The following CCDC171 variants were observed in gnomAD, a reference collection of about 807,000 sequenced individuals.
CCDC171 encodes coiled-coil domain-containing protein 171.
Under a neutral mutation model 168.2 loss-of-function variants are expected in CCDC171, and 177 were observed. The observed-to-expected ratio is 1.05, with a 90% CI of 0.93 to 1.19. The LOEUF (loss-of-function observed/expected upper bound fraction) is 1.19. Among genes scored for constraint, CCDC171 ranks in the 50% most tolerant of loss-of-function variants. CCDC171 has a pLI of 0.00. For synonymous variants in CCDC171, 687 were observed against 540.8 expected (o/e 1.27, Z -3.75); for missense variants, 1,991 against 1,539.0 (o/e 1.29, Z -4.91).
At chr9:15,881,074 C>G (rs561146021) in intron 24 of CCDC171, among the ~76,000 whole-genome samples, 1 of 152,104 alleles carries the variant, frequency 6.6e-6, no homozygotes, top group African/African-American at 2.4e-5. Flanking sequence ...GATATGGGGC[C>G]TAACTTGAAT....
intron 9 of CCDC171, among the ~76,000 whole-genome samples, chr9:15,667,684 G>A (rs553443268): frequency 2.0e-5 from 3 of 152,240 alleles, no homozygotes; most frequent in Admixed American, 6.6e-5. Context: ...TAAGAAGTGA[G>A]TTAACTTAAG....
intron 3 of CCDC171, among the ~76,000 whole-genome samples, chr9:15,997,925 A>G (rs1156470806): frequency 1.3e-5 from 2 of 152,156 alleles, no homozygotes; most frequent in African/African-American, 4.8e-5. Context: ...ATCAGCATCA[A>G]TTACCCCTGC....
intron 7 of CCDC171, among the ~76,000 whole-genome samples, chr9:15,638,938 A>G (rs2046395228): frequency 6.6e-6 from 1 of 152,090 alleles, no homozygotes; most frequent in South Asian, 2.1e-4. Flanking sequence ...AAGAGAAAAG[A>G]GAAGATGCAA....
At chr9:15,869,710 A>T (rs916820810) in intron 23 of CCDC171, among the ~76,000 whole-genome samples, 3 of 151,802 alleles carry the variant, frequency 2.0e-5, no homozygotes, top group African/African-American at 7.2e-5. Flanking sequence ...AGCCGTGGTC[A>T]GGAAAGTTAG....
chr9:15,606,097 A>G (rs886335123), intron 6 of CCDC171, among the ~76,000 whole-genome samples: 5 of 152,198 alleles, frequency 3.3e-5, no homozygotes, highest in Admixed American at 3.3e-4. Context: ...TCATAACAAG[A>G]TACTATAATA....
chr9:15,925,959 A>G (rs548035568), intron 25 of CCDC171, among the ~76,000 whole-genome samples: 3 of 151,772 alleles, frequency 2.0e-5, no homozygotes, highest in South Asian at 4.2e-4. Flanking sequence ...TTAAGTGGAC[A>G]TTATTTGAGG....
intron 6 of CCDC171, among the ~76,000 whole-genome samples, chr9:15,596,548 C>T (rs1182437030): frequency 1.3e-5 from 2 of 151,202 alleles, no homozygotes; most frequent in Non-Finnish European, 2.9e-5. Context: ...GTTACTGTAG[C>T]CTTGTAGTAT....
intron 8 of CCDC171, among the ~76,000 whole-genome samples, chr9:15,662,994 A>G (rs950145042): frequency 1.3e-5 from 2 of 151,792 alleles, no homozygotes; most frequent in South Asian, 2.1e-4. Flanking sequence ...AACAACAACA[A>G]CAACAACAAC....
At chr9:15,792,791 C>G (rs978532096) in intron 21 of CCDC171, among the ~76,000 whole-genome samples, 6 of 152,156 alleles carry the variant, frequency 3.9e-5, no homozygotes, top group Non-Finnish European at 7.3e-5. Context: ...TTTGTCACCA[C>G]TAGGCCTGCC....
intron 3 of CCDC171, among the ~76,000 whole-genome samples, chr9:16,008,666 G>T (rs1002487319): frequency 7.9e-5 from 12 of 151,956 alleles, no homozygotes; most frequent in African/African-American, 2.2e-4. Context: ...TCCTTGCATC[G>T]CTGGGCCCCA....
At chr9:15,565,827 T>G (rs1386204078) in intron 2 of CCDC171, among the ~76,000 whole-genome samples, 1 of 152,386 alleles carries the variant, frequency 6.6e-6, no homozygotes, top group South Asian at 2.1e-4. Flanking sequence ...TGTTTGCATA[T>G]GTCTTTGTGT....
rs1446913283 is a variant in CCDC171, at chr9:15,818,298, C to T, written c.3268-28404C>T. ...TAAAAAACAGAGTGCCTCTCCTCCT[C>T]CAAAGGAATGCAGCTCCTCACCAGC... On this transcript the variant is annotated intron_variant, in intron 21 of 25. Transcript: ENST00000380701. 1.7e-5 allele frequency among the ~76,000 whole-genome samples: 2 copies of T among 117,980 alleles called. 1 individual carries two copies. Among genetic ancestry groups the T allele is most frequent in the African/African-American group, 6.4e-5 (2 of 31,364 alleles). 77.4% of individuals were successfully genotyped at this position (117,980 alleles called of 152,430 possible).
chr9:15,734,244 A>G (rs1303469591), intron 16 of CCDC171, among the ~76,000 whole-genome samples: 1 of 152,240 alleles, frequency 6.6e-6, no homozygotes, highest in Non-Finnish European at 1.5e-5. Context: ...CATTACTATT[A>G]TAAATTGGAG....
At position 15,744,596 on chromosome 9, in the gene CCDC171, G is replaced by A; in HGVS notation, c.2373G>A (p.Lys791=). 1 of 1,614,190 alleles carries A rather than the reference G, an allele frequency of 6.2e-7. No homozygotes were observed. Among genetic ancestry groups the A allele is most frequent in the South Asian group, 1.1e-5 (1 of 91,084 alleles). Reference sequence around the variant, plus strand: ...AGCAAGAGGAAGCCAAGATGAAAAAGAAAACATTCAAAGGATTGATACGTA... The same window carrying A: ...AGCAAGAGGAAGCCAAGATGAAAAAAAAAACATTCAAAGGATTGATACGTA... ...EKKQEEAKMK[K]KTFKGLIRIF... Residue 791 remains lysine (K), a synonymous_variant, in exon 17 of 26, where the codon AAG becomes AAA. Transcript: ENST00000380701.
chr9:15,794,953 A>C (rs2058475963), intron 21 of CCDC171, among the ~76,000 whole-genome samples: 1 of 152,176 alleles, frequency 6.6e-6, no homozygotes, highest in African/African-American at 2.4e-5. Flanking sequence ...CACTTTCTTG[A>C]AGTCAGGATT....
chr9:15,778,735 C>T (rs933042608), intron 19 of CCDC171, among the ~76,000 whole-genome samples: 5 of 149,108 alleles, frequency 3.4e-5, no homozygotes, highest in Non-Finnish European at 5.9e-5. Context: ...GAGACCTAAA[C>T]AGCTGTCAAT....
intron 11 of CCDC171, among the ~76,000 whole-genome samples, chr9:15,696,198 G>A (rs975167338): frequency 6.6e-6 from 1 of 152,092 alleles, no homozygotes; most frequent in African/African-American, 2.4e-5. Context: ...CAGCAATTTG[G>A]CAAATAAGTT....
chr9:15,554,080 C>T (rs555016751), intron 1 of CCDC171, among the ~76,000 whole-genome samples: 4 of 149,526 alleles, frequency 2.7e-5, no homozygotes, highest in South Asian at 2.1e-4. Context: ...AGTGCAGTGG[C>T]GCGATCTCGG....
rs953735 is a variant in CCDC171, at chr9:15,651,066, A to C, written c.823-6061A>C. 6.2e-3 allele frequency among the ~76,000 whole-genome samples: 918 copies of C among 148,516 alleles called. 9 individuals carry two copies. Among genetic ancestry groups the C allele is most frequent in the Middle Eastern group, 0.01 (3 of 288 alleles). On this transcript the variant is annotated intron_variant, in intron 7 of 25. Coordinates refer to ENST00000380701, the MANE Select transcript of CCDC171 (RefSeq NM_173550.4). Reference sequence around the variant, plus strand: ...TATCCTAACTGTCATTCTACTCTCTACCTCCTTGAGATTAACTTTTTTTAC... The same window carrying C: ...TATCCTAACTGTCATTCTACTCTCTCCCTCCTTGAGATTAACTTTTTTTAC...
Sources: gnomAD v4.1 joint callset for allele counts (sites outside exome capture counted in the v4.1 genomes callset) on GRCh38, gnomAD v4.1.1 for gene constraint, MANE v1.5 for transcripts, NCBI Gene and HGNC (gene_info 2026-07-23, HGNC 2026-07-21) for gene names.